ZNF385D: variants seen among roughly 807,000 people sequenced by gnomAD.
ZNF385D encodes the protein zinc finger protein 385D.
A neutral mutation model predicts 35.8 loss-of-function variants in ZNF385D; 15 were observed. The ratio of observed to expected loss-of-function variants is 0.42; its 90% CI spans 0.28 to 0.64. The LOEUF (loss-of-function observed/expected upper bound fraction) is 0.64, where lower values mean the gene tolerates loss of function less well. ZNF385D is among the 30% of genes least tolerant of loss of function. ZNF385D has a pLI of 0.23. For synonymous variants in ZNF385D, 212 were observed against 186.8 expected (o/e 1.13, Z -1.10); for missense variants, 474 against 494.6 (o/e 0.96, Z 0.39).
intron 3 of ZNF385D, among the ~76,000 whole-genome samples, chr3:21,966,754 G>T (rs1702937238): frequency 6.6e-6 from 1 of 152,098 alleles, no homozygotes; most frequent in Non-Finnish European, 1.5e-5. Flanking sequence ...GCTAATTTTT[G>T]TATTTTTAGT....
At chr3:22,173,018 G>A (rs1694569645) in intron 2 of ZNF385D, among the ~76,000 whole-genome samples, 1 of 152,174 alleles carries the variant, frequency 6.6e-6, no homozygotes, top group African/African-American at 2.4e-5. Flanking sequence ...AACAGTGACA[G>A]GTCACATTGA....
At chr3:22,286,510 T>G (rs957692322) in intron 2 of ZNF385D, among the ~76,000 whole-genome samples, 3 of 152,150 alleles carry the variant, frequency 2.0e-5, no homozygotes, top group Non-Finnish European at 4.4e-5. Context: ...TTTGAGATCA[T>G]TCTTCTCTTT....
At chr3:22,358,487 C>A (rs921546984) in intron 2 of ZNF385D, among the ~76,000 whole-genome samples, 1 of 151,660 alleles carries the variant, frequency 6.6e-6, no homozygotes, top group African/African-American at 2.4e-5. Flanking sequence ...TACAGCAGGT[C>A]TGGTGGGAGA....
intron 4 of ZNF385D, among the ~76,000 whole-genome samples, chr3:21,453,513 A>C (rs1702598004): frequency 6.6e-6 from 1 of 151,958 alleles, no homozygotes; most frequent in Non-Finnish European, 1.5e-5. Flanking sequence ...ACACTTACAA[A>C]TCCACGATAT....
At chr3:21,851,330 G>C (rs1415528625) in intron 3 of ZNF385D, among the ~76,000 whole-genome samples, 1 of 152,060 alleles carries the variant, frequency 6.6e-6, no homozygotes. Context: ...TAGTAAGAGT[G>C]TGAAAGTTAC....
rs151227624 is a variant in ZNF385D at position 21,790,352 on chromosome 3, T to C, written c.326-125324A>G. Among the ~76,000 whole-genome samples the C allele has an allele frequency of 3.8e-3, 572 of 152,200 alleles. 6 individuals carry two copies. Among genetic ancestry groups the C allele is most frequent in the African/African-American group, 0.013 (547 of 41,524 alleles). Reference sequence around the variant, plus strand: ...TGTTGAGGAAGAATGGAAAGATTGATCAAATTATACAAAAGGGAAAGGAGT... The same window carrying C: ...TGTTGAGGAAGAATGGAAAGATTGACCAAATTATACAAAAGGGAAAGGAGT... On this transcript the variant is annotated intron_variant, in intron 3 of 5. Coordinates refer to the ZNF385D transcript ENST00000494108.
At chr3:21,732,978 C>G (rs141360149) in intron 1 of ZNF385D, among the ~76,000 whole-genome samples, 1 of 152,220 alleles carries the variant, frequency 6.6e-6, no homozygotes, top group African/African-American at 2.4e-5. Context: ...CCAAGGTCCT[C>G]TAGATTTTCT....
At chr3:22,220,113 G>T (rs983921294) in intron 2 of ZNF385D, among the ~76,000 whole-genome samples, 1 of 149,982 alleles carries the variant, frequency 6.7e-6, no homozygotes, top group African/African-American at 2.5e-5. Flanking sequence ...ATTCAGGCTG[G>T]ATTGCAGTGG....
chr3:22,120,263 C>G (rs28705235), intron 3 of ZNF385D, among the ~76,000 whole-genome samples: 2,784 of 152,106 alleles, frequency 0.018, 33 homozygotes, highest in Non-Finnish European at 0.026. Context: ...GGATAGAAGT[C>G]TAAACTTCAG....
intron 2 of ZNF385D, among the ~76,000 whole-genome samples, chr3:22,203,146 G>A (rs1696917247): frequency 6.6e-6 from 1 of 152,040 alleles, no homozygotes; most frequent in Non-Finnish European, 1.5e-5. Context: ...CTCCACTTGA[G>A]GAGAAGAGAG....
At chr3:21,766,251 G>C (rs1459980399) in intron 3 of ZNF385D, among the ~76,000 whole-genome samples, 1 of 152,062 alleles carries the variant, frequency 6.6e-6, no homozygotes, top group South Asian at 2.1e-4. Flanking sequence ...GATTTACATA[G>C]AAAGATGAGA....
At chr3:22,235,436 G>A (rs1027886809) in intron 2 of ZNF385D, among the ~76,000 whole-genome samples, 1 of 151,996 alleles carries the variant, frequency 6.6e-6, no homozygotes, top group Non-Finnish European at 1.5e-5. Context: ...AACACTCAGA[G>A]GGCACAAAAT....
rs113424181 is a variant in ZNF385D, at chr3:22,215,166, G to A, written c.107-46131C>T. ...AGCTGAATTTTCCCCAATATCTGGC[G>A]CCCATGTGGTCTTTCTTAACTGCAC... On this transcript the variant is annotated intron_variant, in intron 2 of 5. Coordinates refer to the ZNF385D transcript ENST00000494108. Among the ~76,000 whole-genome samples the A allele has an allele frequency of 4.6e-3, 697 of 151,906 alleles. 2 individuals are homozygous for A. The highest frequency in any genetic ancestry group is 0.016 in the African/African-American group (658 of 41,460).
chr3:22,175,969 T>A (rs183593453), intron 2 of ZNF385D, among the ~76,000 whole-genome samples: 1 of 150,548 alleles, frequency 6.6e-6, no homozygotes, highest in Non-Finnish European at 1.5e-5. Context: ...AAAATTATAG[T>A]GGGTCACAAT....
chr3:21,906,671 A>G lies in ZNF385D; in HGVS notation c.326-241643T>C, dbSNP rs9829160. Among the ~76,000 whole-genome samples, 894 of 152,258 alleles carry G rather than the reference A, an allele frequency of 5.9e-3. 11 individuals carry two copies. The highest frequency in any genetic ancestry group is 0.02 in the African/African-American group (832 of 41,558). On this transcript the variant is annotated intron_variant, in intron 3 of 5. Coordinates refer to the ZNF385D transcript ENST00000494108. ...TGCCCAGCCTTGGCTCCAAAACCAC[A>G]GATTTGTCCAGACACAGGCTGTTTA... is the stretch of plus-strand genomic sequence containing the variant.
At chr3:21,970,704 T>C (rs1268036364) in intron 3 of ZNF385D, among the ~76,000 whole-genome samples, 1 of 151,932 alleles carries the variant, frequency 6.6e-6, no homozygotes, top group Non-Finnish European at 1.5e-5. Flanking sequence ...AATATCTAAG[T>C]ACAAGAAGTT....
chr3:21,463,308 C>T (rs771871381), intron 4 of ZNF385D, among the ~76,000 whole-genome samples: 1 of 152,108 alleles, frequency 6.6e-6, no homozygotes, highest in African/African-American at 2.4e-5. Context: ...TTTACAGGGA[C>T]ACTAGAAGGA....
In ZNF385D at chr3:22,257,667, G is replaced by A. The variant is rs1430835362; in HGVS notation, c.107-88632C>T. 5.9e-5 allele frequency among the ~76,000 whole-genome samples: 9 copies of A among 151,782 alleles called. 1 individual carries two copies. Among genetic ancestry groups the A allele is most frequent in the Admixed American group, 5.3e-4 (8 of 15,206 alleles). On this transcript the variant is annotated intron_variant, in intron 2 of 5. Coordinates refer to the ZNF385D transcript ENST00000494108. The stretch of plus-strand genomic sequence containing the variant: ...GCATCTGAGTGAAGGATGTGAGAAT[G>A]GTGTGTTGTTAATCTTCCCTCCACA...
intron 3 of ZNF385D, among the ~76,000 whole-genome samples, chr3:22,027,541 G>A (rs911224007): frequency 6.6e-6 from 1 of 152,184 alleles, no homozygotes; most frequent in African/African-American, 2.4e-5. Context: ...CTCCTTTTGA[G>A]AGACAGCTCT....
Sources: gnomAD v4.1 joint callset for allele counts (sites outside exome capture counted in the v4.1 genomes callset) on GRCh38, gnomAD v4.1.1 for gene constraint, MANE v1.5 for transcripts, NCBI Gene and HGNC (gene_info 2026-07-23, HGNC 2026-07-21) for gene names.